DNAH17: variants seen among roughly 807,000 people sequenced by gnomAD.
DNAH17 encodes the protein axonemal beta dynein heavy chain 17.
In DNAH17, 376 loss-of-function variants were observed where a neutral mutation model predicts 485.6. The ratio of observed to expected loss-of-function variants is 0.77; its 90% CI spans 0.71 to 0.84. The LOEUF (loss-of-function observed/expected upper bound fraction) is 0.84. Ranked by LOEUF, DNAH17 falls within the 40% of genes least tolerant of loss-of-function variation. The probability of loss-of-function intolerance (pLI) is 0.00; values close to 1 mark genes in which losing one functional copy is unlikely to be tolerated. For synonymous variants in DNAH17, 3,031 were observed against 2,405.9 expected (o/e 1.26, Z -7.60); for missense variants, 6,370 against 5,839.3 (o/e 1.09, Z -2.96).
rs891249197 is a variant in DNAH17 at position 78,501,979 on chromosome 17, G to A, written c.5191-106C>T. On this transcript the variant is annotated intron_variant, in intron 33 of 80. Transcript: ENST00000389840. ...GCATAGGGAACACCACCATGCTTTT[G>A]TTTACAGTAATGAAAAACAAGAGCG... 6 of 1,502,536 alleles carry A rather than the reference G, an allele frequency of 4.0e-6. No homozygotes were observed. In the Admixed American group the frequency reaches 9.3e-5, roughly 23 times the overall value. The allele number at this position is 1,502,536 out of a possible 1,614,324, so 93.1% of individuals were successfully genotyped here.
In DNAH17 at chr17:78,431,415, G is replaced by A. The variant is rs148495575; in HGVS notation, c.12226-2115C>T. ...TGCTTCCCGCAGGGGGTGGGGGTGA[G>A]TGCTGTCTGCATTTCCCGTACCTGC... On this transcript the variant is annotated intron_variant, in intron 75 of 80. Coordinates refer to ENST00000389840, the MANE Select transcript of DNAH17 (RefSeq NM_173628.4). Among the ~76,000 whole-genome samples the A allele has an allele frequency of 8.8e-3, 1,322 of 150,360 alleles. 12 individuals are homozygous for A. The highest frequency in any genetic ancestry group is 0.025 in the Admixed American group (376 of 15,034).
intron 54 of DNAH17, among the ~76,000 whole-genome samples, chr17:78,472,023 C>T (rs942312509): frequency 2.0e-5 from 3 of 152,172 alleles, no homozygotes; most frequent in Non-Finnish European, 4.4e-5. Flanking sequence ...GATCTGCCTG[C>T]GTCCCTATCA....
At chr17:78,528,902 C>CT (rs1461087178) in intron 22 of DNAH17, among the ~76,000 whole-genome samples, 1 of 152,002 alleles carries the variant, frequency 6.6e-6, no homozygotes, top group African/African-American at 2.4e-5. Context: ...TCCACCAGCA[C>CT]TCCCACCAGA....
chr17:78,557,399 C>G (rs967512108), intron 14 of DNAH17, among the ~76,000 whole-genome samples: 2 of 152,082 alleles, frequency 1.3e-5, no homozygotes, highest in Non-Finnish European at 2.9e-5. Flanking sequence ...GGGCAAATCA[C>G]CTAAGGTCAA....
At chr17:78,457,402 CAAAAAAAG>C (rs2087857905) in intron 62 of DNAH17, among the ~76,000 whole-genome samples, 2 of 151,690 alleles carry the variant, frequency 1.3e-5, no homozygotes, top group African/African-American at 4.8e-5. Flanking sequence ...AACAAAAAAA[CAAAAAAAG>C]ACATGCAGGG....
intron 25 of DNAH17, among the ~76,000 whole-genome samples, chr17:78,522,982 T>C (rs1053057655): frequency 6.6e-6 from 1 of 151,906 alleles, no homozygotes; most frequent in Admixed American, 6.6e-5. Flanking sequence ...GCCTCCTGAG[T>C]AGCTGGGATC....
intron 3 of DNAH17, 149 bp downstream of exon 3, chr17:78,572,552 C>A: frequency 1.3e-6 from 1 of 773,700 alleles, no homozygotes; most frequent in East Asian, 2.7e-5. Context: ...AACGCACCAC[C>A]TTGCCCTGCA....
intron 16 of DNAH17, among the ~76,000 whole-genome samples, chr17:78,549,060 G>A (rs1202861379): frequency 6.6e-6 from 1 of 152,246 alleles, no homozygotes; most frequent in African/African-American, 2.4e-5. Context: ...CCTTATAATG[G>A]GGGTTAGCAG....
chr17:78,572,730 G>A lies in DNAH17; in HGVS notation c.510C>T (p.Ser170=). The change falls in exon 3 of 81, where the codon AGC becomes AGT. Residue 170 remains serine (S), a synonymous_variant. Coordinates refer to ENST00000389840, the MANE Select transcript of DNAH17 (RefSeq NM_173628.4). The part of the protein sequence containing the change: ...TLLPIPEHLG[S]LDGTLESMER... ...CCATGGACTCCAGCGTGCCATCCAGGCTGCCCAGGTGCTCCGGAATAGGCA... is the reference window on the plus strand; with the variant it reads ...CCATGGACTCCAGCGTGCCATCCAGACTGCCCAGGTGCTCCGGAATAGGCA... 6.2e-7 allele frequency: 1 copy of A among 1,610,656 alleles called. No homozygotes were observed. The highest frequency in any genetic ancestry group is 8.5e-7 in the Non-Finnish European group (1 of 1,178,668).
At chr17:78,574,041 T>G (rs1185964605) in intron 2 of DNAH17, among the ~76,000 whole-genome samples, 2 of 152,164 alleles carry the variant, frequency 1.3e-5, no homozygotes, top group African/African-American at 4.8e-5. Flanking sequence ...TGGAGAAACC[T>G]ATCTGCCAGT....
At chr17:78,490,952 G>T in intron 43 of DNAH17, 105 bp from the exon 44 acceptor site, 1 of 1,382,196 alleles carries the variant, frequency 7.2e-7, no homozygotes, top group East Asian at 2.5e-5. Context: ...CAAGGAGGAG[G>T]GGCCCAGGCC....
At chr17:78,564,639 CTCCCAACAACAT>C (rs1330724018) in intron 11 of DNAH17, among the ~76,000 whole-genome samples, 1 of 152,096 alleles carries the variant, frequency 6.6e-6, no homozygotes, top group East Asian at 1.9e-4. Flanking sequence ...GCGAAACTAC[CTCCCAACAACAT>C]TCAGAACAAC....
intron 22 of DNAH17, among the ~76,000 whole-genome samples, chr17:78,527,679 T>C (rs1473317637): frequency 1.3e-5 from 2 of 152,226 alleles, no homozygotes; most frequent in African/African-American, 4.8e-5. Context: ...TCCAGCTCTA[T>C]AATGTTGTCA....
rs542710648 is a variant in DNAH17, at chr17:78,498,791, C to T, written c.5745+217G>A. 1.7e-5 allele frequency: 7 copies of T among 410,264 alleles called. No individual in the cohort carries two copies. In the South Asian group the frequency reaches 4.1e-4, roughly 24 times the overall value. The allele number at this position is 410,264 out of a possible 1,614,324, so 25.4% of individuals were successfully genotyped here. ...CCTGTATTTTGTTACACGTTTGCTACCATACATGTAACCTGTAATCTGATT... is the reference window on the plus strand; with the variant it reads ...CCTGTATTTTGTTACACGTTTGCTATCATACATGTAACCTGTAATCTGATT... On this transcript the variant is annotated intron_variant, in intron 37 of 80. Coordinates refer to ENST00000389840, the MANE Select transcript of DNAH17 (RefSeq NM_173628.4).
intron 13 of DNAH17, among the ~76,000 whole-genome samples, chr17:78,558,565 A>G (rs1427901038): frequency 1.3e-5 from 2 of 152,204 alleles, no homozygotes; most frequent in African/African-American, 4.8e-5. Context: ...GTATGACATC[A>G]TTGTCATCAC....
At chr17:78,558,972 C>T (rs547076791) in intron 13 of DNAH17, among the ~76,000 whole-genome samples, 2 of 152,206 alleles carry the variant, frequency 1.3e-5, no homozygotes, top group Non-Finnish European at 2.9e-5. Flanking sequence ...TCCTGGCTTC[C>T]AGGACACTAG....
At position 78,543,968 on chromosome 17, in the gene DNAH17, T is replaced by C. The variant is rs200169531; in HGVS notation, c.2421A>G (p.Arg807=). The C allele has an allele frequency of 2.5e-4, 401 of 1,614,052 alleles. 2 individuals carry two copies. The highest frequency in any genetic ancestry group is 8.2e-4 in the East Asian group (37 of 44,884). ...ACAGGGCCTCTTTCTTATTGTCCTT[T>C]CTTTCAAACAGCGGGTTGGCCGACC... is the stretch of plus-strand genomic sequence containing the variant. The part of the protein sequence containing the change: ...KDWSANPLFE[R]KDNKKEALLD... Residue 807 remains arginine (R), a synonymous_variant, in exon 17 of 81, where the codon AGA becomes AGG. Transcript: ENST00000389840.
rs769729589 is a variant in DNAH17, at chr17:78,529,454, C to G, written c.3507+18G>C. 6.2e-7 allele frequency: 1 copy of G among 1,612,724 alleles called. No individual in the cohort carries two copies. The highest frequency in any genetic ancestry group is 8.5e-7 in the Non-Finnish European group (1 of 1,178,850). On this transcript the variant is annotated intron_variant, in intron 22 of 80. Transcript: ENST00000389840. The stretch of plus-strand genomic sequence containing the variant: ...CTCCCTGCTCACCTGGACGCAGCCA[C>G]ACCCACCCACCACGTACCTGCAGCT...
At chr17:78,562,657 A>C (rs1426948206) in intron 11 of DNAH17, among the ~76,000 whole-genome samples, 2 of 152,188 alleles carry the variant, frequency 1.3e-5, no homozygotes, top group African/African-American at 4.8e-5. Context: ...CCAAGTAAAC[A>C]ATTTTAAAAT....
Sources: allele counts gnomAD v4.1 joint callset (sites outside exome capture counted in the v4.1 genomes callset), GRCh38; gene constraint gnomAD v4.1.1; transcripts MANE v1.5; gene names NCBI Gene and HGNC (gene_info 2026-07-23, HGNC 2026-07-21).